The following SCEL variants were observed in gnomAD, a reference collection of about 807,000 sequenced individuals.
SCEL encodes sciellin.
SCEL carries 113 observed loss-of-function variants against 117.6 expected under a neutral mutation model. That is an observed-to-expected ratio of 0.96 (90% CI 0.83 to 1.12). SCEL has a LOEUF of 1.12. SCEL is among the 50% of genes most tolerant of loss of function. The pLI is 0.00. For synonymous variants in SCEL, 270 were observed against 256.2 expected, an observed-to-expected ratio of 1.05 and a Z score of -0.51; for missense variants, 785 against 810.8, an observed-to-expected ratio of 0.97 and a Z score of 0.39.
At chr13:77,570,478 T>G (rs2085532264) in intron 8 of SCEL, among the ~76,000 whole-genome samples, 1 of 152,268 alleles carries the variant, frequency 6.6e-6, no homozygotes, top group Non-Finnish European at 1.5e-5. Context: ...CTCACTATTT[T>G]GGGACACATC....
At position 77,617,798 on chromosome 13, in the gene SCEL, TAAAG is replaced by T; in HGVS notation, c.1512-1_1514del. 1 of 1,607,170 alleles carries T rather than the reference TAAAG, an allele frequency of 6.2e-7. No individual in the cohort carries two copies. The highest frequency in any genetic ancestry group is 8.5e-7 in the Non-Finnish European group (1 of 1,175,880). ...CCTGCTCTCATTTTATTTTTTGATTTAAAGAAACCAAGATCTTGCTAACCTCATC... is the reference window on the plus strand; with the variant it reads ...CCTGCTCTCATTTTATTTTTTGATTTAAACCAAGATCTTGCTAACCTCATC... On this transcript the variant is annotated splice_acceptor_variant and splice_polypyrimidine_tract_variant and intron_variant, in intron 25 of 32. Coordinates refer to ENST00000349847, the MANE Select transcript of SCEL (RefSeq NM_144777.3). LOFTEE classifies it high-confidence loss of function.
At chr13:77,593,601 GT>G in intron 12 of SCEL, 28 bp downstream of exon 12, 1 of 1,582,428 alleles carries the variant, frequency 6.3e-7, no homozygotes, top group Non-Finnish European at 8.7e-7. Flanking sequence ...TTGAGCTTGG[GT>G]TTTATCTTCC....
At chr13:77,603,796 G>A (rs1379221239) in intron 18 of SCEL, among the ~76,000 whole-genome samples, 1 of 152,132 alleles carries the variant, frequency 6.6e-6, no homozygotes, top group African/African-American at 2.4e-5. Context: ...CATGATCCAT[G>A]ATCTACTCTG....
chr13:77,581,320 C>G (rs1280129094), intron 9 of SCEL, among the ~76,000 whole-genome samples: 1 of 152,174 alleles, frequency 6.6e-6, no homozygotes, highest in Non-Finnish European at 1.5e-5. Flanking sequence ...TTGAACAGAA[C>G]AAGGAGAAAC....
At chr13:77,547,532 C>T (rs187715841) in intron 1 of SCEL, among the ~76,000 whole-genome samples, 3 of 152,290 alleles carry the variant, frequency 2.0e-5, no homozygotes, top group African/African-American at 7.2e-5. Flanking sequence ...CCCTCCATCC[C>T]TCACTCTCTC....
chr13:77,593,259 AGT>A (rs4052543), intron 11 of SCEL, among the ~76,000 whole-genome samples: 51,844 of 110,828 alleles, frequency 0.47, 11,074 homozygotes, highest in Non-Finnish European at 0.53. Flanking sequence ...AACAGAGGGG[AGT>A]GTGTGTGTGT....
At chr13:77,622,225 TAA>T (rs2089461434) in intron 27 of SCEL, among the ~76,000 whole-genome samples, 1 of 152,218 alleles carries the variant, frequency 6.6e-6, no homozygotes, top group South Asian at 2.1e-4. Flanking sequence ...TGATACTCTA[TAA>T]AAACAATTTA....
At chr13:77,585,332 A>G (rs1016305730) in intron 9 of SCEL, among the ~76,000 whole-genome samples, 4 of 152,172 alleles carry the variant, frequency 2.6e-5, no homozygotes, top group Admixed American at 6.5e-5. Context: ...CTCCTAAACC[A>G]AAGTCTGAAG....
chr13:77,578,706 A>G (rs923309909), intron 9 of SCEL, among the ~76,000 whole-genome samples: 1 of 152,216 alleles, frequency 6.6e-6, no homozygotes, highest in African/African-American at 2.4e-5. Flanking sequence ...GCCACTAATC[A>G]ATGTGGGAAG....
chr13:77,547,892 A>G (rs552683831), intron 1 of SCEL, among the ~76,000 whole-genome samples: 1 of 152,288 alleles, frequency 6.6e-6, no homozygotes, highest in South Asian at 2.1e-4. Context: ...TCATCCCAGA[A>G]CCTCTGGGAT....
rs532895752 is a variant in SCEL at position 77,598,027 on chromosome 13, T to TCATA, written c.797+439_797+442dup. Among the ~76,000 whole-genome samples, 6 of 150,252 alleles carry TCATA rather than the reference T, an allele frequency of 4.0e-5. 1 individual carries two copies. In the South Asian group the frequency reaches 1.2e-3, roughly 31 times the overall value. On this transcript the variant is annotated intron_variant, in intron 13 of 32. Transcript: ENST00000349847. ...CCCAGGCTGGAGTGCAGTGGTGCAA[T>TCATA]CATAACTCACTGCAGCCTTGACCTC...
intron 1 of SCEL, among the ~76,000 whole-genome samples, chr13:77,554,243 G>A (rs1397873367): frequency 1.3e-5 from 2 of 152,188 alleles, no homozygotes; most frequent in African/African-American, 4.8e-5. Context: ...GCAAGGGACT[G>A]ACCTTTTTTA....
chr13:77,564,434 G>T (rs1001303995), intron 5 of SCEL, among the ~76,000 whole-genome samples: 1 of 152,148 alleles, frequency 6.6e-6, no homozygotes, highest in African/African-American at 2.4e-5. Flanking sequence ...TCCAACGTGT[G>T]TGCCTCCTGT....
At chr13:77,584,848 G>T (rs951921844) in intron 9 of SCEL, among the ~76,000 whole-genome samples, 1 of 152,098 alleles carries the variant, frequency 6.6e-6, no homozygotes, top group African/African-American at 2.4e-5. Context: ...CCCAACACAA[G>T]GATATTTTCC....
intron 1 of SCEL, among the ~76,000 whole-genome samples, chr13:77,540,389 T>G (rs924635639): frequency 1.3e-5 from 2 of 152,042 alleles, no homozygotes; most frequent in East Asian, 1.9e-4. Context: ...TGGGGGAAGA[T>G]TATTCAGCCA....
intron 12 of SCEL, chr13:77,597,223 T>C (rs2087294026): frequency 3.4e-6 from 1 of 292,074 alleles, no homozygotes; most frequent in Non-Finnish European, 6.3e-6. Flanking sequence ...GTGCCTGTGC[T>C]GAGGTAGGAG....
At chr13:77,537,764 T>C (rs1432103565) in intron 1 of SCEL, among the ~76,000 whole-genome samples, 3 of 152,218 alleles carry the variant, frequency 2.0e-5, no homozygotes, top group Non-Finnish European at 4.4e-5. Flanking sequence ...CTGGGGACTA[T>C]GTAAACAAAA....
At chr13:77,614,963 T>C (rs1393077623) in intron 24 of SCEL, among the ~76,000 whole-genome samples, 1 of 152,070 alleles carries the variant, frequency 6.6e-6, no homozygotes, top group African/African-American at 2.4e-5. Flanking sequence ...CAGCAGGCAA[T>C]TAACATAGAT....
intron 1 of SCEL, among the ~76,000 whole-genome samples, chr13:77,542,781 A>G (rs1187862592): frequency 6.6e-6 from 1 of 151,932 alleles, no homozygotes; most frequent in African/African-American, 2.4e-5. Flanking sequence ...TAGTTGTTTG[A>G]TGGTTTGTTT....
Sources: allele counts gnomAD v4.1 joint callset (sites outside exome capture counted in the v4.1 genomes callset), GRCh38; gene constraint gnomAD v4.1.1; transcripts MANE v1.5; gene names NCBI Gene and HGNC (gene_info 2026-07-23, HGNC 2026-07-21).